The following PTPN4 variants were observed in gnomAD, a reference collection of about 807,000 sequenced individuals.
The protein encoded by PTPN4 is tyrosine-protein phosphatase non-receptor type 4.
PTPN4 carries 49 observed loss-of-function variants against 135.5 expected under a neutral mutation model. That is an observed-to-expected ratio of 0.36 (90% CI 0.29 to 0.46). PTPN4 has a LOEUF of 0.46. Ranked by LOEUF, PTPN4 falls within the 20% of genes least tolerant of loss-of-function variation. The pLI is 1.00. For synonymous variants in PTPN4, 333 were observed against 369.9 expected (o/e 0.90, Z 1.14); for missense variants, 860 against 1,101.0 (o/e 0.78, Z 3.10).
intron 2 of PTPN4, among the ~76,000 whole-genome samples, chr2:119,817,242 T>G (rs891478513): frequency 3.2e-4 from 49 of 152,236 alleles, no homozygotes; most frequent in African/African-American, 1.1e-3. Context: ...TGTATATGGC[T>G]TAAGGAAGGG....
chr2:119,956,825 C>CTTTTT lies in PTPN4; in HGVS notation c.1981-7_1981-3dup. The CTTTTT allele has an allele frequency of 6.0e-6, 9 of 1,505,996 alleles. No homozygotes were observed. The highest frequency in any genetic ancestry group is 4.7e-5 in the Admixed American group (2 of 42,822). The allele number at this position is 1,505,996 out of a possible 1,614,324, so 93.3% of individuals were successfully genotyped here. A position where few individuals can be genotyped will look rare whatever the true frequency, so the allele number is the denominator to read the frequency against. ...TTTATGGCTTTTGTTGGAATTGTAC[C>CTTTTT]TTTTTTTTTTTTTTTTAGCAACTGT... On this transcript the variant is annotated intron_variant, in intron 20 of 26. Transcript: ENST00000263708.
At chr2:119,958,793 C>T (rs1352604494) in intron 22 of PTPN4, among the ~76,000 whole-genome samples, 1 of 152,132 alleles carries the variant, frequency 6.6e-6, no homozygotes, top group African/African-American at 2.4e-5. Context: ...TAACATTTAA[C>T]TCATAGTCAA....
At chr2:119,878,947 G>T (rs1033448170) in intron 5 of PTPN4, among the ~76,000 whole-genome samples, 22 of 151,732 alleles carry the variant, frequency 1.4e-4, no homozygotes, top group Non-Finnish European at 1.5e-5. Flanking sequence ...CAAAAAATTA[G>T]CCGGGTGTGG....
intron 23 of PTPN4, 29 bp downstream of exon 23, chr2:119,960,982 C>G: frequency 6.3e-7 from 1 of 1,597,568 alleles, no homozygotes; most frequent in Non-Finnish European, 8.5e-7. Flanking sequence ...TTACACATTG[C>G]TTGGACTTTT....
Position 119,946,354 on chromosome 2 carries a change from T to C in PTPN4, c.1529T>C (p.Ile510Thr). ...TGTCTTTTTAAGCCTAATGGTGGTA[T>C]TCCACATGATAATCTTGTCCTAATC... Reference protein sequence around the residue: ...SPEKPTPNGGIPHDNLVLIRM... With the variant: ...SPEKPTPNGGTPHDNLVLIRM... Residue 510 changes from isoleucine (I) to threonine (T), a missense_variant, in exon 17 of 27, where the codon ATT (isoleucine) becomes ACT (threonine). This residue lies in a region of PTPN4 where 684 missense variants were observed against 807.0 expected (regional missense o/e 0.85). Transcript: ENST00000263708. 1 of 1,605,640 alleles carries C rather than the reference T, an allele frequency of 6.2e-7. No homozygotes were observed. Among genetic ancestry groups the C allele is most frequent in the Non-Finnish European group, 8.5e-7 (1 of 1,176,274 alleles).
At chr2:119,808,991 C>T (rs1691531905) in intron 1 of PTPN4, among the ~76,000 whole-genome samples, 1 of 152,086 alleles carries the variant, frequency 6.6e-6, no homozygotes, top group African/African-American at 2.4e-5. Context: ...AGTCTTTCTT[C>T]TAGTTTAGTG....
intron 18 of PTPN4, among the ~76,000 whole-genome samples, chr2:119,949,816 C>G (rs893286443): frequency 6.6e-6 from 1 of 152,034 alleles, no homozygotes; most frequent in African/African-American, 2.4e-5. Context: ...ACACTCCAGC[C>G]TAAGCAACAG....
intron 10 of PTPN4, among the ~76,000 whole-genome samples, chr2:119,901,083 A>T (rs1418180893): frequency 6.6e-6 from 1 of 152,208 alleles, no homozygotes; most frequent in Admixed American, 6.5e-5. Flanking sequence ...ATTTGCCCCC[A>T]GGGCAAATTG....
chr2:119,910,347 G>A (rs372818674), intron 10 of PTPN4, among the ~76,000 whole-genome samples: 2 of 152,020 alleles, frequency 1.3e-5, no homozygotes, highest in Admixed American at 6.6e-5. Flanking sequence ...CCAAAAAATA[G>A]TGTGACTCAC....
intron 9 of PTPN4, among the ~76,000 whole-genome samples, chr2:119,889,451 G>A (rs934061958): frequency 3.3e-5 from 5 of 152,126 alleles, no homozygotes; most frequent in Middle Eastern, 3.4e-3. Context: ...ATGATCTTTC[G>A]TATTTCTGTA....
chr2:119,924,928 G>A (rs1678798413), intron 12 of PTPN4, among the ~76,000 whole-genome samples: 1 of 152,132 alleles, frequency 6.6e-6, no homozygotes, highest in South Asian at 2.1e-4. Flanking sequence ...ACAAAAGGGT[G>A]GAAACATGGT....
In PTPN4 at chr2:119,979,470, TGTC is replaced by T. The variant is rs1679661773; in HGVS notation, c.*2404_*2406del. ...AATTTTTCATCTGGGAACTACCCACTGTCGTCATTTTTATGTGCAGAAAAGATC... is the reference window on the plus strand; with the variant it reads ...AATTTTTCATCTGGGAACTACCCACTGTCATTTTTATGTGCAGAAAAGATC... On this transcript the variant is annotated 3_prime_UTR_variant, in exon 27 of 27. Transcript: ENST00000263708. The T allele has an allele frequency of 6.6e-6, 1 of 152,262 alleles. No individual in the cohort carries two copies. Among genetic ancestry groups the T allele is most frequent in the South Asian group, 2.1e-4 (1 of 4,824 alleles). The allele number at this position is 152,262 out of a possible 1,614,324, so 9.4% of individuals were successfully genotyped here.
intron 1 of PTPN4, among the ~76,000 whole-genome samples, chr2:119,806,089 G>A (rs1361061467): frequency 6.6e-6 from 1 of 152,070 alleles, no homozygotes; most frequent in Non-Finnish European, 1.5e-5. Context: ...CACTAAACAT[G>A]GAAAGGAACA....
chr2:119,847,270 CTA>C (rs1281854982), intron 2 of PTPN4, among the ~76,000 whole-genome samples: 40 of 105,596 alleles, frequency 3.8e-4, no homozygotes, highest in Middle Eastern at 4.5e-3. Flanking sequence ...AGGAGATACT[CTA>C]TATACACACA....
rs1679697605 is a variant in PTPN4 at position 119,981,678 on chromosome 2, C to T, written c.*4608C>T. 1 of 152,028 alleles carries T rather than the reference C, an allele frequency of 6.6e-6. No homozygotes were observed. Among genetic ancestry groups the T allele is most frequent in the South Asian group, 2.1e-4 (1 of 4,820 alleles). 9.4% of individuals were successfully genotyped at this position (152,028 alleles called of 1,614,324 possible). A position where few individuals can be genotyped will look rare whatever the true frequency, so the allele number is the denominator to read the frequency against. On this transcript the variant is annotated 3_prime_UTR_variant, in exon 27 of 27. Transcript: ENST00000263708. ...ATTTGTATGTTTTTTGTTCAACTTACCGTGTCTGCAACCATTATATAGACT... is the reference window on the plus strand; with the variant it reads ...ATTTGTATGTTTTTTGTTCAACTTATCGTGTCTGCAACCATTATATAGACT...
chr2:119,822,550 G>A (rs1677085482), intron 2 of PTPN4, among the ~76,000 whole-genome samples: 1 of 152,018 alleles, frequency 6.6e-6, no homozygotes, highest in Non-Finnish European at 1.5e-5. Context: ...GTAGAGACGG[G>A]GTTTCACTAT....
chr2:119,968,744 A>T (rs2105063718), intron 26 of PTPN4, among the ~76,000 whole-genome samples: 1 of 152,262 alleles, frequency 6.6e-6, no homozygotes, highest in South Asian at 2.1e-4. Flanking sequence ...GTGAGCCGAG[A>T]TTGCGCCACT....
chr2:119,928,762 T>C (rs947601528), intron 13 of PTPN4, among the ~76,000 whole-genome samples: 1 of 152,150 alleles, frequency 6.6e-6, no homozygotes, highest in Non-Finnish European at 1.5e-5. Context: ...TCTTAACAAG[T>C]GTCTTCTTTC....
chr2:119,829,718 C>T (rs1297298967), intron 2 of PTPN4, among the ~76,000 whole-genome samples: 1 of 152,156 alleles, frequency 6.6e-6, no homozygotes, highest in Non-Finnish European at 1.5e-5. Flanking sequence ...ACTCATTCAT[C>T]TGCTGACAGG....
Sources: allele counts gnomAD v4.1 joint callset (sites outside exome capture counted in the v4.1 genomes callset), GRCh38; gene constraint gnomAD v4.1.1; regional missense constraint gnomAD v4.1.1; transcripts MANE v1.5; gene names NCBI Gene and HGNC (gene_info 2026-07-23, HGNC 2026-07-21).